Variants in WWOX observed in about 807,000 individuals in gnomAD.
WWOX encodes WW domain-containing oxidoreductase.
Under a neutral mutation model 46.2 loss-of-function variants are expected in WWOX, and 69 were observed. The observed-to-expected ratio is 1.49, with a 90% CI of 1.23 to 1.82. The LOEUF is 1.82. Among genes scored for constraint, WWOX ranks in the 40% most tolerant of loss-of-function variants. The pLI is 0.00. For synonymous variants in WWOX, 359 were observed against 202.6 expected (o/e 1.77, Z -6.56); for missense variants, 919 against 542.6 (o/e 1.69, Z -6.89).
intron 8 of WWOX, among the ~76,000 whole-genome samples, chr16:78,802,199 T>C (rs1160195276): frequency 7.0e-6 from 1 of 142,154 alleles, no homozygotes. Context: ...TTTGTTTGTT[T>C]AGGTTTTTTT....
At chr16:78,242,144 T>C (rs1414382656) in intron 5 of WWOX, among the ~76,000 whole-genome samples, 3 of 152,226 alleles carry the variant, frequency 2.0e-5, no homozygotes, top group Non-Finnish European at 4.4e-5. Context: ...CTTTGTCTGC[T>C]TCTGCCTCGG....
At chr16:78,234,591 C>T (rs938925605) in intron 5 of WWOX, among the ~76,000 whole-genome samples, 1 of 152,136 alleles carries the variant, frequency 6.6e-6, no homozygotes, top group Non-Finnish European at 1.5e-5. Context: ...AACTCCTAGA[C>T]TTGAATAAGG....
intron 8 of WWOX, among the ~76,000 whole-genome samples, chr16:78,958,238 T>G (rs947234884): frequency 3.9e-5 from 6 of 152,228 alleles, no homozygotes; most frequent in East Asian, 1.9e-4. Context: ...AATATTTCGG[T>G]TCTTTATTGA....
chr16:78,134,033 G>A (rs13333314), intron 4 of WWOX, among the ~76,000 whole-genome samples: 50,499 of 152,066 alleles, frequency 0.33, 9,046 homozygotes, highest in African/African-American at 0.47. Context: ...TTTCCTTAAA[G>A]AATTGCTTTT....
intron 5 of WWOX, among the ~76,000 whole-genome samples, chr16:78,247,487 C>T (rs1656285776): frequency 6.6e-6 from 1 of 152,026 alleles, no homozygotes; most frequent in African/African-American, 2.4e-5. Context: ...AAGGAGGGTA[C>T]AGCTGACCAG....
At chr16:78,462,507 G>C (rs886979871) in intron 8 of WWOX, among the ~76,000 whole-genome samples, 2 of 152,170 alleles carry the variant, frequency 1.3e-5, no homozygotes, top group Non-Finnish European at 2.9e-5. Context: ...TGTAAGGTCA[G>C]GTACAGTTAT....
chr16:79,002,410 G>A (rs958442568), intron 8 of WWOX, among the ~76,000 whole-genome samples: 5 of 151,832 alleles, frequency 3.3e-5, no homozygotes, highest in African/African-American at 1.2e-4. Flanking sequence ...TTTTAGTAGA[G>A]ACAGGGTTTT....
At chr16:78,643,921 A>T (rs2046782015) in intron 8 of WWOX, among the ~76,000 whole-genome samples, 1 of 152,030 alleles carries the variant, frequency 6.6e-6, no homozygotes, top group Non-Finnish European at 1.5e-5. Flanking sequence ...TTATTAAAAC[A>T]AACAAACAAC....
At chr16:78,462,643 C>G (rs928643011) in intron 8 of WWOX, among the ~76,000 whole-genome samples, 2 of 152,146 alleles carry the variant, frequency 1.3e-5, no homozygotes, top group African/African-American at 4.8e-5. Flanking sequence ...GAGGCAGGAG[C>G]AGATGAACTG....
At chr16:78,545,636 A>C (rs1209796511) in intron 8 of WWOX, among the ~76,000 whole-genome samples, 2 of 152,228 alleles carry the variant, frequency 1.3e-5, no homozygotes, top group African/African-American at 2.4e-5. Flanking sequence ...TTGAGTCTCT[A>C]TTCTGAAACA....
At chr16:78,961,615 C>T (rs962200727) in intron 8 of WWOX, among the ~76,000 whole-genome samples, 1 of 151,974 alleles carries the variant, frequency 6.6e-6, no homozygotes, top group Admixed American at 6.6e-5. Flanking sequence ...GCTTGTTCTT[C>T]TGAAGGGACT....
At chr16:78,514,746 AAC>A (rs1179490636) in intron 8 of WWOX, among the ~76,000 whole-genome samples, 1 of 152,206 alleles carries the variant, frequency 6.6e-6, no homozygotes. Context: ...TGGCTATATA[AAC>A]ACACAGGCAT....
At chr16:78,367,917 C>T (rs1004383457) in intron 5 of WWOX, among the ~76,000 whole-genome samples, 1 of 152,132 alleles carries the variant, frequency 6.6e-6, no homozygotes, top group East Asian at 1.9e-4. Flanking sequence ...ACACCACACC[C>T]CGCTAATTTT....
intron 8 of WWOX, among the ~76,000 whole-genome samples, chr16:78,827,500 G>A (rs928209046): frequency 6.6e-6 from 1 of 152,042 alleles, no homozygotes; most frequent in Non-Finnish European, 1.5e-5. Context: ...TTCTGGCAGG[G>A]AGACCCCAGG....
intron 8 of WWOX, among the ~76,000 whole-genome samples, chr16:79,035,091 A>G (rs1276901773): frequency 1.3e-5 from 2 of 152,230 alleles, no homozygotes; most frequent in African/African-American, 4.8e-5. Context: ...GAAACAAACA[A>G]ACAAATAAAT....
intron 8 of WWOX, among the ~76,000 whole-genome samples, chr16:78,877,283 C>G (rs555003933): frequency 1.2e-4 from 18 of 150,996 alleles, no homozygotes; most frequent in East Asian, 4.0e-4. Flanking sequence ...CTGCCTCCCC[C>G]CCTCTGACCC....
intron 8 of WWOX, among the ~76,000 whole-genome samples, chr16:79,174,150 C>G (rs537032857): frequency 2.6e-5 from 4 of 152,132 alleles, no homozygotes; most frequent in African/African-American, 9.7e-5. Context: ...AGGTTAGTGA[C>G]GATACCGGGA....
chr16:78,748,731 G>C (rs1160891311), intron 8 of WWOX, among the ~76,000 whole-genome samples: 1 of 152,230 alleles, frequency 6.6e-6, no homozygotes, highest in Admixed American at 6.5e-5. Flanking sequence ...TCCCTCTGCA[G>C]TTATTTTTCA....
intron 8 of WWOX, among the ~76,000 whole-genome samples, chr16:78,512,826 G>T (rs1244396684): frequency 6.6e-6 from 1 of 152,166 alleles, no homozygotes; most frequent in Non-Finnish European, 1.5e-5. Flanking sequence ...AACAGAAACA[G>T]AGCAGTCCCT....
Sources: gnomAD v4.1 joint callset for allele counts (sites outside exome capture counted in the v4.1 genomes callset) on GRCh38, gnomAD v4.1.1 for gene constraint, MANE v1.5 for transcripts, NCBI Gene and HGNC (gene_info 2026-07-23, HGNC 2026-07-21) for gene names.